The following CHFR variants were observed in gnomAD, a reference collection of about 807,000 sequenced individuals.
CHFR encodes E3 ubiquitin-protein ligase CHFR.
A neutral mutation model predicts 87.6 loss-of-function variants in CHFR; 57 were observed. That is an observed-to-expected ratio of 0.65 (90% CI 0.53 to 0.81). The LOEUF (loss-of-function observed/expected upper bound fraction) is 0.81. CHFR is among the 30% of genes least tolerant of loss of function. CHFR has a pLI of 0.00. For synonymous variants in CHFR, 381 were observed against 359.2 expected (o/e 1.06, Z -0.69); for missense variants, 797 against 865.8 (o/e 0.92, Z 1.00).
intron 2 of CHFR, among the ~76,000 whole-genome samples, chr12:132,880,837 C>T (rs552502376): frequency 1.3e-5 from 2 of 151,756 alleles, no homozygotes; most frequent in African/African-American, 2.4e-5. Flanking sequence ...TGGTGGCGGG[C>T]GCCTATAATC....
intron 4 of CHFR, 187 bp downstream of exon 4, chr12:132,872,098 G>A: frequency 1.9e-6 from 1 of 530,490 alleles, no homozygotes; most frequent in Non-Finnish European, 3.4e-6. Flanking sequence ...GCTGGGCTCA[G>A]GCTGCAAAGT....
chr12:132,874,678 C>T (rs1296984751), intron 3 of CHFR, among the ~76,000 whole-genome samples: 1 of 148,036 alleles, frequency 6.8e-6, no homozygotes, highest in African/African-American at 2.5e-5. Context: ...TGCCCGGGAC[C>T]AGCACCCAGC....
chr12:132,869,656 C>A lies in CHFR; in HGVS notation c.546G>T (p.Glu182Asp). ...AACGCTCTCGCCCTGCAGGAGAAGG[C>A]TCCGTGGAAGAGGCCGAGGCTGTGG... is the stretch of plus-strand genomic sequence containing the variant. ...LFPTASASST[E>D]PSPAGRERSS... Residue 182 changes from glutamate to aspartate, a missense_variant, in exon 6 of 18, where the codon GAG becomes GAT. This residue lies in a region of CHFR where 597 missense variants were observed against 601.2 expected (regional missense o/e 0.99). Coordinates refer to ENST00000450056, the MANE Select transcript of CHFR (RefSeq NM_001161346.2). 6.4e-7 allele frequency: 1 copy of A among 1,551,650 alleles called. No individual in the cohort carries two copies. Among genetic ancestry groups the A allele is most frequent in the Non-Finnish European group, 8.7e-7 (1 of 1,146,984 alleles).
Position 132,887,220 on chromosome 12 carries a change from C to T in CHFR, c.109G>A (p.Glu37Lys). 3 of 1,502,894 alleles carry T rather than the reference C, an allele frequency of 2.0e-6. No homozygotes were observed. Among genetic ancestry groups the T allele is most frequent in the Non-Finnish European group, 2.6e-6 (3 of 1,132,672 alleles). The allele number at this position is 1,502,894 out of a possible 1,614,324, so 93.1% of individuals were successfully genotyped here. A position where few individuals can be genotyped will look rare whatever the true frequency, so the allele number is the denominator to read the frequency against. Residue 37 changes from glutamate (E) to lysine (K), a missense_variant, in exon 2 of 18, where the codon GAG (glutamate) becomes AAG (lysine). This residue lies in a region of CHFR where 597 missense variants were observed against 601.2 expected (regional missense o/e 0.99). Transcript: ENST00000450056. ...CCTCGTCTCCGCCCGATGGTCCACT[C>T]CCGCTTCCTCAGGAGGACGTGCGGC... ...GEPHVLLRKREWTIGRRRGCD... is the reference protein window; with the variant it reads ...GEPHVLLRKRKWTIGRRRGCD...
At chr12:132,862,783 T>A (rs1335362441) in intron 6 of CHFR, among the ~76,000 whole-genome samples, 7 of 151,770 alleles carry the variant, frequency 4.6e-5, no homozygotes, top group Non-Finnish European at 7.4e-5. Context: ...GGTTTCACCG[T>A]GTTAGCCAGG....
rs1188833829 is a variant in CHFR at position 132,843,032 on chromosome 12, T to A, written c.1895A>T (p.Gln632Leu). Residue 632 changes from glutamine (Q) to leucine (L), a missense_variant, in exon 17 of 18, where the codon CAG becomes CTG. By Grantham distance (113) the Gln-to-Leu change is moderately radical. This residue lies in a region of CHFR where 200 missense variants were observed against 264.6 expected (regional missense o/e 0.76). Transcript: ENST00000450056. The stretch of plus-strand genomic sequence containing the variant: ...TCACATGGCGTGGTGAGCTTTCACC[T>A]GAGTGCGGCAGTTACGGCCCCAGTA... The part of the protein sequence containing the change: ...DCYWGRNCRT[Q>L]VKAHHAMKFN... 6.2e-7 allele frequency: 1 copy of A among 1,613,006 alleles called. No individual in the cohort carries two copies. Among genetic ancestry groups the A allele is most frequent in the Non-Finnish European group, 8.5e-7 (1 of 1,179,680 alleles).
chr12:132,855,233 CTT>C (rs1332359657), intron 10 of CHFR, among the ~76,000 whole-genome samples: 1 of 135,068 alleles, frequency 7.4e-6, no homozygotes, highest in Non-Finnish European at 1.6e-5. Flanking sequence ...CAGAGCGAGA[CTT>C]TGTCTCGAAA....
chr12:132,843,131 C>T (rs765254956), intron 16 of CHFR, 48 bp from the exon 17 acceptor site: 2 of 1,538,284 alleles, frequency 1.3e-6, no homozygotes, highest in Non-Finnish European at 1.8e-6. Context: ...TTGCACGCAC[C>T]CACTCAGCTA....
At chr12:132,847,370 A>C in intron 14 of CHFR, 3 of 1,204,828 alleles carry the variant, frequency 2.5e-6, no homozygotes. Context: ...GTCTCTCAAA[A>C]GTTCTGCCAA....
intron 2 of CHFR, among the ~76,000 whole-genome samples, chr12:132,886,564 C>G (rs2137083071): frequency 6.6e-6 from 1 of 152,256 alleles, no homozygotes; most frequent in Non-Finnish European, 1.5e-5. Context: ...ACTTGGGAGA[C>G]TGGAGGCAGT....
intron 8 of CHFR, among the ~76,000 whole-genome samples, chr12:132,858,170 A>T (rs1450521183): frequency 6.6e-6 from 1 of 152,172 alleles, no homozygotes; most frequent in Non-Finnish European, 1.5e-5. Flanking sequence ...CAGCCTGGCT[A>T]ATATGGTGAA....
chr12:132,851,514 G>T, intron 12 of CHFR, 104 bp downstream of exon 12: 1 of 1,291,278 alleles, frequency 7.7e-7, no homozygotes, highest in South Asian at 1.7e-5. Flanking sequence ...AAAAAGAAAC[G>T]GCATCCTTAC....
At chr12:132,873,163 C>T (rs1331775730) in intron 3 of CHFR, among the ~76,000 whole-genome samples, 2 of 152,182 alleles carry the variant, frequency 1.3e-5, no homozygotes, top group Non-Finnish European at 2.9e-5. Flanking sequence ...ACTCCCGAGG[C>T]CCCAGCAGTG....
chr12:132,851,790 A>G, intron 11 of CHFR, 53 bp from the exon 12 acceptor site: 2 of 1,569,160 alleles, frequency 1.3e-6, no homozygotes, highest in South Asian at 2.3e-5. Flanking sequence ...GCAGAAAGAC[A>G]GCAGGTTAGA....
At position 132,857,442 on chromosome 12, in the gene CHFR, G is replaced by T; in HGVS notation, c.1029C>A (p.Leu343=). Residue 343 remains leucine, a synonymous_variant, in exon 9 of 18, where the codon CTC becomes CTA. Transcript: ENST00000450056. Reference sequence around the variant, plus strand: ...TGAGGTATGCTTCCACGAGGTTGTTGAGGATGTGGTTTTTACAGATCCGCT... The same window carrying T: ...TGAGGTATGCTTCCACGAGGTTGTTTAGGATGTGGTTTTTACAGATCCGCT... The part of the protein sequence containing the change: ...PVERICKNHI[L]NNLVEAYLIQ... 1 of 1,614,220 alleles carries T rather than the reference G, an allele frequency of 6.2e-7. No individual in the cohort carries two copies. Among genetic ancestry groups the T allele is most frequent in the African/African-American group, 1.3e-5 (1 of 75,068 alleles).
intron 11 of CHFR, 126 bp downstream of exon 11, chr12:132,853,305 A>G (rs1257034101): frequency 1.4e-5 from 15 of 1,040,052 alleles, no homozygotes; most frequent in Non-Finnish European, 1.8e-5. Context: ...CAATGAGGCC[A>G]GGGCCCAAAG....
At position 132,877,657 on chromosome 12, in the gene CHFR, A is replaced by G. The variant is rs142165233; in HGVS notation, c.134-3T>C. ...GCTGGGGAAGGAAAGGTCGCAACCT[A>G]AAAAAGAGAGGGTGGGTCAACACGG... On this transcript the variant is annotated splice_polypyrimidine_tract_variant and splice_region_variant and intron_variant, in intron 2 of 17. Coordinates refer to ENST00000450056, the MANE Select transcript of CHFR (RefSeq NM_001161346.2). The G allele has an allele frequency of 4.7e-5, 76 of 1,603,974 alleles. 1 individual carries two copies. The African/African-American group carries it at 8.2e-4, about 17-fold the overall frequency.
At chr12:132,857,704 T>A in intron 8 of CHFR, 145 bp from the exon 9 acceptor site, 1 of 738,680 alleles carries the variant, frequency 1.4e-6, no homozygotes, top group African/African-American at 1.8e-5. Context: ...TCAGTCTTGG[T>A]TAATGAAAAG....
rs567127826 is a variant in CHFR at position 132,843,427 on chromosome 12, AAAAT to A, written c.1844-348_1844-345del. ...GGCGACAGAGTCAGACTCTGTCTCA[AAAAT>A]AAATAAATAAATAAAAATTAAAAAA... is the stretch of plus-strand genomic sequence containing the variant. On this transcript the variant is annotated intron_variant, in intron 16 of 17. Coordinates refer to ENST00000450056, the MANE Select transcript of CHFR (RefSeq NM_001161346.2). 3.2e-3 allele frequency among the ~76,000 whole-genome samples: 489 copies of A among 152,196 alleles called. 3 individuals carry two copies. The highest frequency in any genetic ancestry group is 0.011 in the African/African-American group (442 of 41,496).
Sources: gnomAD v4.1 joint callset for allele counts (sites outside exome capture counted in the v4.1 genomes callset) on GRCh38, gnomAD v4.1.1 for gene constraint, gnomAD v4.1.1 regional missense constraint, MANE v1.5 for transcripts, NCBI Gene and HGNC (gene_info 2026-07-23, HGNC 2026-07-21) for gene names.